Variants in PLCB4 observed in about 807,000 individuals in gnomAD.
PLCB4 encodes 1-phosphatidylinositol 4,5-bisphosphate phosphodiesterase beta-4.
Under a neutral mutation model 178.8 loss-of-function variants are expected in PLCB4, and 77 were observed. The ratio of observed to expected loss-of-function variants is 0.43; its 90% CI spans 0.36 to 0.52. The LOEUF is 0.52. Ranked by LOEUF, PLCB4 falls within the 20% of genes least tolerant of loss-of-function variation. PLCB4 has a pLI of 0.00. For synonymous variants in PLCB4, 496 were observed against 490.8 expected (o/e 1.01, Z -0.14); for missense variants, 1,024 against 1,453.4 (o/e 0.70, Z 4.80).
intron 8 of PLCB4, among the ~76,000 whole-genome samples, chr20:9,363,876 T>G (rs948217457): frequency 1.3e-5 from 2 of 152,186 alleles, no homozygotes; most frequent in Non-Finnish European, 2.9e-5. Flanking sequence ...GGCCAAGAGG[T>G]TAGTCCTAAA....
chr20:9,256,892 T>C (rs1055032928), intron 3 of PLCB4, among the ~76,000 whole-genome samples: 1 of 152,230 alleles, frequency 6.6e-6, no homozygotes, highest in Non-Finnish European at 1.5e-5. Context: ...TCTAGTATGC[T>C]GAGTAGCAAG....
intron 13 of PLCB4, among the ~76,000 whole-genome samples, chr20:9,383,214 A>T (rs1308885714): frequency 6.6e-6 from 1 of 152,216 alleles, no homozygotes. Flanking sequence ...AAACTAGGAT[A>T]CTAGTTATCT....
chr20:9,175,857 C>T (rs2093145789), intron 2 of PLCB4, among the ~76,000 whole-genome samples: 1 of 152,126 alleles, frequency 6.6e-6, no homozygotes, highest in Admixed American at 6.6e-5. Flanking sequence ...AATATCTTAA[C>T]TTTATTGAAC....
chr20:9,103,437 A>T (rs1444579752), intron 2 of PLCB4, among the ~76,000 whole-genome samples: 1 of 152,176 alleles, frequency 6.6e-6, no homozygotes, highest in Non-Finnish European at 1.5e-5. Flanking sequence ...GAAGAATGGC[A>T]CCATTTAATA....
intron 2 of PLCB4, among the ~76,000 whole-genome samples, chr20:9,104,509 G>A (rs1056309304): frequency 6.6e-5 from 10 of 151,964 alleles, no homozygotes; most frequent in Admixed American, 3.3e-4. Context: ...CTTCTCACCC[G>A]CAAATTGCCC....
intron 1 of PLCB4, among the ~76,000 whole-genome samples, chr20:9,073,507 C>T (rs1411186110): frequency 6.6e-6 from 1 of 152,010 alleles, no homozygotes; most frequent in Non-Finnish European, 1.5e-5. Context: ...TCACATATCC[C>T]TTTAAAGAGT....
intron 25 of PLCB4, among the ~76,000 whole-genome samples, chr20:9,415,568 G>A (rs945588468): frequency 1.3e-5 from 2 of 152,176 alleles, no homozygotes; most frequent in African/African-American, 2.4e-5. Context: ...TGCCTTCCAA[G>A]GCCTTACACA....
At chr20:9,464,353 C>T (rs182027889) in intron 35 of PLCB4, among the ~76,000 whole-genome samples, 73 of 152,224 alleles carry the variant, frequency 4.8e-4, no homozygotes, top group Admixed American at 1.2e-3. Flanking sequence ...GACACCCTAA[C>T]GTCACAATTA....
chr20:9,355,804 A>G (rs1305855994), intron 7 of PLCB4, among the ~76,000 whole-genome samples: 2 of 152,066 alleles, frequency 1.3e-5, no homozygotes, highest in Non-Finnish European at 2.9e-5. Context: ...TCCTTTGGGT[A>G]TATACCCAGT....
chr20:9,395,343 G>A (rs1341491069), intron 18 of PLCB4, among the ~76,000 whole-genome samples, 180 bp from the exon 19 acceptor site: 1 of 152,082 alleles, frequency 6.6e-6, no homozygotes, highest in Non-Finnish European at 1.5e-5. Context: ...TTACAAGGTC[G>A]AGACCACCAG....
rs374115029 is a variant in PLCB4 at position 9,102,911 on chromosome 20, T to C, written c.-79+6569T>C. Among the ~76,000 whole-genome samples the C allele has an allele frequency of 3.5e-4, 53 of 152,296 alleles. No homozygotes were observed. In the South Asian group the frequency reaches 0.011, roughly 30 times the overall value. On this transcript the variant is annotated intron_variant, in intron 2 of 39. Transcript: ENST00000378473. ...TCTGCATAAAATAGCTGCTTGGCTG[T>C]CACTTCCATATAAGCTATGAAGGCA...
At chr20:9,455,143 A>G (rs1300610177) in intron 33 of PLCB4, among the ~76,000 whole-genome samples, 2 of 152,200 alleles carry the variant, frequency 1.3e-5, no homozygotes, top group Non-Finnish European at 2.9e-5. Context: ...AGGCTATAAT[A>G]TTGAAACTGA....
intron 1 of PLCB4, among the ~76,000 whole-genome samples, chr20:9,094,528 CTT>C (rs1164436426): frequency 6.6e-6 from 1 of 151,994 alleles, no homozygotes; most frequent in Non-Finnish European, 1.5e-5. Flanking sequence ...ATTTAAAAAA[CTT>C]TTTATTATGG....
chr20:9,375,722 G>A (rs1371548217), intron 12 of PLCB4, among the ~76,000 whole-genome samples: 2 of 152,164 alleles, frequency 1.3e-5, no homozygotes, highest in Admixed American at 6.5e-5. Flanking sequence ...CAAGGTCCTA[G>A]TCTCATTTGC....
At chr20:9,128,777 T>C (rs181257749) in intron 2 of PLCB4, among the ~76,000 whole-genome samples, 1 of 152,284 alleles carries the variant, frequency 6.6e-6, no homozygotes, top group East Asian at 1.9e-4. Context: ...TCTCCAGAAC[T>C]TTTTCATTTG....
At chr20:9,402,120 C>T (rs1481822292) in intron 20 of PLCB4, among the ~76,000 whole-genome samples, 1 of 152,236 alleles carries the variant, frequency 6.6e-6, no homozygotes, top group East Asian at 1.9e-4. Context: ...CACTTGCCTT[C>T]TGCCCTTAGG....
chr20:9,384,167 T>C, intron 13 of PLCB4, 34 bp from the exon 14 acceptor site: 1 of 1,475,012 alleles, frequency 6.8e-7, no homozygotes, highest in South Asian at 1.1e-5. Flanking sequence ...TCTTCAGAGC[T>C]ACAAGTGCTA....
At chr20:9,129,959 C>T (rs1045302897) in intron 2 of PLCB4, among the ~76,000 whole-genome samples, 1 of 151,996 alleles carries the variant, frequency 6.6e-6, no homozygotes, top group Non-Finnish European at 1.5e-5. Context: ...TGTTTAGCCT[C>T]TGGGGCTTCT....
chr20:9,298,514 C>T (rs1038399807), intron 3 of PLCB4, among the ~76,000 whole-genome samples: 1 of 152,036 alleles, frequency 6.6e-6, no homozygotes, highest in Non-Finnish European at 1.5e-5. Context: ...GGCAACTAAG[C>T]ATATTTTAGA....
Sources: gnomAD v4.1 joint callset for allele counts (sites outside exome capture counted in the v4.1 genomes callset) on GRCh38, gnomAD v4.1.1 for gene constraint, MANE v1.5 for transcripts, NCBI Gene and HGNC (gene_info 2026-07-23, HGNC 2026-07-21) for gene names.